RGS7: variants seen among roughly 807,000 people sequenced by gnomAD.
RGS7 encodes the protein regulator of G protein signaling 7, also known as regulator of G-protein signaling 7.
In RGS7, 27 loss-of-function variants were observed where a neutral mutation model predicts 81.1. That is an observed-to-expected ratio of 0.33 (90% CI 0.25 to 0.46). RGS7 has a LOEUF of 0.46. Ranked by LOEUF, RGS7 falls within the 20% of genes least tolerant of loss-of-function variation. The pLI, the probability that RGS7 is intolerant of heterozygous loss-of-function variation, is 1.00. For synonymous variants in RGS7, 208 were observed against 207.7 expected (o/e 1.00, Z -0.01); for missense variants, 396 against 607.4 (o/e 0.65, Z 3.66).
intron 6 of RGS7, among the ~76,000 whole-genome samples, chr1:240,877,129 C>G (rs1045329444): frequency 2.0e-5 from 3 of 151,854 alleles, no homozygotes; most frequent in African/African-American, 7.3e-5. Flanking sequence ...CAACAAGATA[C>G]TAGATCATCA....
chr1:241,145,706 T>C (rs1643080718), intron 2 of RGS7, among the ~76,000 whole-genome samples: 1 of 152,198 alleles, frequency 6.6e-6, no homozygotes. Context: ...ATCATGCTCC[T>C]GCATTCTAGC....
intron 6 of RGS7, among the ~76,000 whole-genome samples, chr1:240,870,836 A>G (rs1225086382): frequency 6.6e-6 from 1 of 152,204 alleles, no homozygotes; most frequent in East Asian, 1.9e-4. Flanking sequence ...AACTGAAACA[A>G]TCTGTTCATG....
Position 240,927,068 on chromosome 1 carries a change from T to G in RGS7, c.385+3649A>C, listed in dbSNP as rs569334254. Among the ~76,000 whole-genome samples, 478 of 151,412 alleles carry G rather than the reference T, an allele frequency of 3.2e-3. 5 individuals carry two copies. The highest frequency in any genetic ancestry group is 0.011 in the African/African-American group (467 of 40,778). On this transcript the variant is annotated intron_variant, in intron 6 of 18. Coordinates refer to ENST00000440928, the MANE Select transcript of RGS7 (RefSeq NM_001364886.1). ...ATAAACTGGTTTTTTTTGTTTTGTT[T>G]TGTTTTGTTTGTTTGTTTTTTGAGA...
intron 9 of RGS7, among the ~76,000 whole-genome samples, chr1:240,856,853 T>C (rs1457265614): frequency 6.6e-6 from 1 of 152,094 alleles, no homozygotes; most frequent in Non-Finnish European, 1.5e-5. Context: ...AGAGAAAAAA[T>C]ATCTGAGTCA....
At chr1:240,926,398 T>A (rs1674443624) in intron 6 of RGS7, among the ~76,000 whole-genome samples, 1 of 152,192 alleles carries the variant, frequency 6.6e-6, no homozygotes, top group Non-Finnish European at 1.5e-5. Flanking sequence ...AAATAAGGAA[T>A]CCTTTCTCCA....
intron 3 of RGS7, among the ~76,000 whole-genome samples, chr1:240,994,489 A>G (rs1161911941): frequency 6.6e-6 from 1 of 152,194 alleles, no homozygotes; most frequent in Non-Finnish European, 1.5e-5. Context: ...GTATATAAAA[A>G]TGTAATTTAC....
At chr1:241,235,081 A>G (rs2075855450) in intron 2 of RGS7, among the ~76,000 whole-genome samples, 1 of 152,220 alleles carries the variant, frequency 6.6e-6, no homozygotes, top group East Asian at 1.9e-4. Flanking sequence ...GCAAATTTAT[A>G]CAATGATTCC....
At chr1:241,276,438 A>T (rs1009702791) in intron 2 of RGS7, among the ~76,000 whole-genome samples, 17 of 152,222 alleles carry the variant, frequency 1.1e-4, no homozygotes, top group Admixed American at 1.1e-3. Context: ...AAAAAGAAAA[A>T]ATATAGTTCT....
chr1:241,202,015 C>A (rs1228396006), intron 2 of RGS7, among the ~76,000 whole-genome samples: 28 of 78,024 alleles, frequency 3.6e-4, no homozygotes, highest in African/African-American at 5.4e-4. Context: ...CACACAGACA[C>A]ACACACACAC....
At chr1:240,940,004 C>T (rs777856430) in intron 4 of RGS7, among the ~76,000 whole-genome samples, 3 of 152,080 alleles carry the variant, frequency 2.0e-5, no homozygotes, top group Admixed American at 6.6e-5. Flanking sequence ...CACCTGAATT[C>T]GGGAGGTGGA....
At chr1:241,027,725 C>G (rs1012223470) in intron 3 of RGS7, among the ~76,000 whole-genome samples, 5 of 151,942 alleles carry the variant, frequency 3.3e-5, no homozygotes, top group African/African-American at 1.2e-4. Context: ...GAGGAGGAGC[C>G]GGCAGTTGAG....
At chr1:240,915,510 A>T (rs191735) in intron 6 of RGS7, among the ~76,000 whole-genome samples, 1 of 151,946 alleles carries the variant, frequency 6.6e-6, no homozygotes, top group African/African-American at 2.4e-5. Context: ...TTTCTAGGAA[A>T]ACCCAAAGAC....
chr1:240,931,611 C>T (rs1184839910), intron 5 of RGS7, among the ~76,000 whole-genome samples: 1 of 151,858 alleles, frequency 6.6e-6, no homozygotes, highest in Non-Finnish European at 1.5e-5. Flanking sequence ...AAAAAACCTA[C>T]AAAAAATAAA....
At chr1:241,113,046 G>A (rs1179636776) in intron 2 of RGS7, among the ~76,000 whole-genome samples, 1 of 152,164 alleles carries the variant, frequency 6.6e-6, no homozygotes, top group Non-Finnish European at 1.5e-5. Flanking sequence ...AAATTAGGAT[G>A]AATGGTGGAC....
rs148448380 is a variant in RGS7, at chr1:241,113,281, C to T, written c.79-14519G>A. Among the ~76,000 whole-genome samples, 49 of 152,290 alleles carry T rather than the reference C, an allele frequency of 3.2e-4. No homozygotes were observed. In the East Asian group the frequency reaches 9.1e-3, roughly 28 times the overall value. The stretch of plus-strand genomic sequence containing the variant: ...AGGTACCTCACTTATTACTAGATAT[C>T]TGTGACTATTATCTTATGGCTAGAA... On this transcript the variant is annotated intron_variant, in intron 2 of 18. Transcript: ENST00000440928.
intron 2 of RGS7, among the ~76,000 whole-genome samples, chr1:241,283,988 C>A (rs1471294999): frequency 6.6e-6 from 1 of 151,986 alleles, no homozygotes; most frequent in African/African-American, 2.4e-5. Flanking sequence ...CCTTATATTT[C>A]TTTGATAAGA....
intron 2 of RGS7, among the ~76,000 whole-genome samples, chr1:241,319,451 G>T (rs2148598055): frequency 6.6e-6 from 1 of 152,216 alleles, no homozygotes; most frequent in South Asian, 2.1e-4. Flanking sequence ...TAACTGGAGG[G>T]ATTAAAGGTG....
At chr1:240,861,222 T>C (rs1398741812) in intron 9 of RGS7, among the ~76,000 whole-genome samples, 3 of 152,194 alleles carry the variant, frequency 2.0e-5, no homozygotes, top group African/African-American at 4.8e-5. Flanking sequence ...TTTGCTTAAA[T>C]TGAAGTCAGG....
At chr1:241,168,172 C>G (rs1416002378) in intron 2 of RGS7, among the ~76,000 whole-genome samples, 1 of 152,052 alleles carries the variant, frequency 6.6e-6, no homozygotes, top group Non-Finnish European at 1.5e-5. Context: ...ACTTTTAACT[C>G]TGCAAGGAAT....
Sources: allele counts gnomAD v4.1 joint callset (sites outside exome capture counted in the v4.1 genomes callset), GRCh38; gene constraint gnomAD v4.1.1; transcripts MANE v1.5; gene names NCBI Gene and HGNC (gene_info 2026-07-23, HGNC 2026-07-21).